PKN2: variants seen among roughly 807,000 people sequenced by gnomAD.
PKN2 encodes the protein protein kinase N2.
In PKN2, 38 loss-of-function variants were observed where a neutral mutation model predicts 119.1. The observed-to-expected ratio is 0.32, with a 90% CI of 0.25 to 0.42. PKN2 has a LOEUF of 0.42. Among genes scored for constraint, PKN2 ranks in the 10% least tolerant of loss-of-function variants. The pLI, the probability that PKN2 is intolerant of heterozygous loss-of-function variation, is 1.00. For missense variants in PKN2, 850 were observed against 1,165.1 expected (o/e 0.73, Z 3.94); for synonymous variants, 390 against 384.9 (o/e 1.01, Z -0.15).
At chr1:88,765,560 A>C (rs1478675498) in intron 3 of PKN2, among the ~76,000 whole-genome samples, 1 of 152,202 alleles carries the variant, frequency 6.6e-6, no homozygotes, top group East Asian at 1.9e-4. Flanking sequence ...ATATGTATGC[A>C]TGTGTGATAC....
Position 88,833,514 on chromosome 1 carries a change from T to C in PKN2, c.*66T>C, listed in dbSNP as rs1010538041. The C allele has an allele frequency of 8.6e-5, 105 of 1,217,732 alleles. 1 individual carries two copies. The highest frequency in any genetic ancestry group is 1.2e-4 in the Non-Finnish European group (98 of 831,626). The allele number at this position is 1,217,732 out of a possible 1,614,324, so 75.4% of individuals were successfully genotyped here. ...CCTCTTAAAAATAGCAACCCTTCAT[T>C]TGCTCTCTGTGCCACCAATAGCTTC... On this transcript the variant is annotated 3_prime_UTR_variant, in exon 22 of 22. Transcript: ENST00000370521.
chr1:88,708,423 G>A (rs1390107777), intron 1 of PKN2, among the ~76,000 whole-genome samples: 1 of 151,404 alleles, frequency 6.6e-6, no homozygotes, highest in African/African-American at 2.4e-5. Flanking sequence ...TTATATCCAT[G>A]GAAAAAAAAT....
intron 15 of PKN2, among the ~76,000 whole-genome samples, chr1:88,808,570 C>G (rs1013416025): frequency 3.9e-5 from 6 of 152,130 alleles, no homozygotes; most frequent in African/African-American, 1.2e-4. Context: ...TCCCAAAGTG[C>G]TGGGATTACA....
chr1:88,779,039 C>T (rs907410685), intron 6 of PKN2, among the ~76,000 whole-genome samples: 5 of 152,162 alleles, frequency 3.3e-5, no homozygotes, highest in African/African-American at 1.2e-4. Flanking sequence ...TTTCTAGTTA[C>T]GTGAAATAAT....
At chr1:88,793,372 A>G (rs577286588) in intron 8 of PKN2, among the ~76,000 whole-genome samples, 1 of 152,214 alleles carries the variant, frequency 6.6e-6, no homozygotes, top group South Asian at 2.1e-4. Context: ...AGATTTTTCA[A>G]ACTGTTGCAC....
intron 1 of PKN2, among the ~76,000 whole-genome samples, chr1:88,725,724 G>C (rs1418793807): frequency 6.6e-6 from 1 of 152,086 alleles, no homozygotes; most frequent in Non-Finnish European, 1.5e-5. Flanking sequence ...TTTACATTTT[G>C]ATAAGTCCAA....
At chr1:88,787,653 TAA>T (rs1236431033) in intron 8 of PKN2, among the ~76,000 whole-genome samples, 1 of 152,188 alleles carries the variant, frequency 6.6e-6, no homozygotes, top group African/African-American at 2.4e-5. Flanking sequence ...CTTAGAACAA[TAA>T]AAGACTGTGA....
chr1:88,712,303 A>T (rs1667267345), intron 1 of PKN2, among the ~76,000 whole-genome samples: 1 of 152,188 alleles, frequency 6.6e-6, no homozygotes, highest in Non-Finnish European at 1.5e-5. Context: ...AATTTTTGCT[A>T]AATGAGATAA....
intron 1 of PKN2, among the ~76,000 whole-genome samples, chr1:88,716,163 C>T (rs533361409): frequency 1.3e-5 from 2 of 152,180 alleles, no homozygotes; most frequent in South Asian, 2.1e-4. Context: ...AAAGACAGTT[C>T]GTTATGATTT....
intron 19 of PKN2, among the ~76,000 whole-genome samples, chr1:88,832,252 T>C (rs1225293103): frequency 6.6e-6 from 1 of 152,004 alleles, no homozygotes; most frequent in African/African-American, 2.4e-5. Flanking sequence ...GCAGATTGCC[T>C]TCCTTTATTA....
chr1:88,739,511 G>A (rs1209050718), intron 1 of PKN2, among the ~76,000 whole-genome samples: 1 of 152,122 alleles, frequency 6.6e-6, no homozygotes, highest in Non-Finnish European at 1.5e-5. Flanking sequence ...ATTTATATGG[G>A]TGTGAGGAAT....
intron 3 of PKN2, among the ~76,000 whole-genome samples, 196 bp from the exon 4 acceptor site, chr1:88,770,156 T>A (rs1380791043): frequency 6.6e-6 from 1 of 152,210 alleles, no homozygotes; most frequent in Non-Finnish European, 1.5e-5. Flanking sequence ...ATGGAGTTGT[T>A]TTTCACAATT....
At chr1:88,741,368 G>A (rs1668573749) in intron 2 of PKN2, 80 bp downstream of exon 2, 2 of 916,332 alleles carry the variant, frequency 2.2e-6, no homozygotes, top group Non-Finnish European at 3.1e-6. Context: ...TAAGTTTGGG[G>A]ACATGAATAG....
intron 3 of PKN2, among the ~76,000 whole-genome samples, chr1:88,763,880 G>T (rs1252477004): frequency 6.6e-6 from 1 of 152,110 alleles, no homozygotes; most frequent in Non-Finnish European, 1.5e-5. Context: ...TAATGATAGA[G>T]AATTCATGAG....
intron 1 of PKN2, among the ~76,000 whole-genome samples, chr1:88,723,056 G>A (rs1013366612): frequency 2.0e-5 from 3 of 152,070 alleles, no homozygotes; most frequent in Non-Finnish European, 4.4e-5. Context: ...GTTAGCCAGA[G>A]GAAAACTGTT....
intron 16 of PKN2, among the ~76,000 whole-genome samples, chr1:88,815,866 C>T (rs532370332): frequency 2.0e-5 from 3 of 152,234 alleles, no homozygotes; most frequent in East Asian, 3.9e-4. Context: ...CAGCGGGGAG[C>T]GGTGGCTCCA....
rs1349827748 is a variant in PKN2 at position 88,798,867 on chromosome 1, T to G, written c.1282-5524T>G. Among the ~76,000 whole-genome samples the G allele has an allele frequency of 2.0e-5, 3 of 152,244 alleles. No individual in the cohort carries two copies. The East Asian group carries it at 5.8e-4, about 29-fold the overall frequency. Reference sequence around the variant, plus strand: ...AAAGATAGCTGCGTTCAAAAAACCTTGGGGAAAAAATGTGGGCTGGATTTA... The same window carrying G: ...AAAGATAGCTGCGTTCAAAAAACCTGGGGGAAAAAATGTGGGCTGGATTTA... On this transcript the variant is annotated intron_variant, in intron 8 of 21. Transcript: ENST00000370521.
At position 88,815,308 on chromosome 1, in the gene PKN2, G is replaced by C. The variant is rs1671939625; in HGVS notation, c.2279+1575G>C. 1.6e-5 allele frequency: 3 copies of C among 184,728 alleles called. No individual in the cohort carries two copies. The Admixed American group carries it at 1.9e-4, about 12-fold the overall frequency. 11.4% of individuals were successfully genotyped at this position (184,728 alleles called of 1,614,324 possible). ...TGCTGCATTACAGAACTCCAAATCT[G>C]AAAGTACCTCCCTTTATCATTCAGT... On this transcript the variant is annotated intron_variant, in intron 16 of 21. Coordinates refer to ENST00000370521, the MANE Select transcript of PKN2 (RefSeq NM_006256.4).
rs1415854939 is a variant in PKN2, at chr1:88,804,471, T to C, written c.1362T>C (p.Phe454=). 3.1e-6 allele frequency: 5 copies of C among 1,613,752 alleles called. No individual in the cohort carries two copies. The African/African-American group carries it at 6.7e-5, about 22-fold the overall frequency. The change falls in exon 9 of 22, where the codon TTT becomes TTC. Residue 454 remains phenylalanine, a synonymous_variant. Transcript: ENST00000370521. ...TAAAATTTCTGAGGTTAGAAGATTT[T>C]TTAGACAACCAACGGCATGGCATGT... ...CAVKFLRLED[F]LDNQRHGMCL... is the part of the protein sequence containing the mutation.
Sources: gnomAD v4.1 joint callset for allele counts (sites outside exome capture counted in the v4.1 genomes callset) on GRCh38, gnomAD v4.1.1 for gene constraint, MANE v1.5 for transcripts, NCBI Gene and HGNC (gene_info 2026-07-23, HGNC 2026-07-21) for gene names.